Variants in AKAP10 observed in about 807,000 individuals in gnomAD.
AKAP10 encodes the protein A-kinase anchoring protein 10.
In AKAP10, 24 loss-of-function variants were observed where a neutral mutation model predicts 80.8. The ratio of observed to expected loss-of-function variants is 0.30; its 90% CI spans 0.22 to 0.42. The LOEUF (loss-of-function observed/expected upper bound fraction) is 0.42, where lower values mean the gene tolerates loss of function less well. Among genes scored for constraint, AKAP10 ranks in the 10% least tolerant of loss-of-function variants. AKAP10 has a pLI of 1.00. For missense variants in AKAP10, 661 were observed against 794.9 expected, an observed-to-expected ratio of 0.83 and a Z score of 2.03; for synonymous variants, 291 against 277.7, an observed-to-expected ratio of 1.05 and a Z score of -0.48.
At chr17:19,920,959 CT>C (rs57112968) in intron 11 of AKAP10, among the ~76,000 whole-genome samples, 49,438 of 133,104 alleles carry the variant, frequency 0.37, 8,544 homozygotes, top group Admixed American at 0.41. Flanking sequence ...CATAGAGAAT[CT>C]TTTTTTTTTT....
intron 12 of AKAP10, among the ~76,000 whole-genome samples, chr17:19,918,199 C>T (rs189627669): frequency 2.8e-5 from 4 of 143,164 alleles, no homozygotes; most frequent in South Asian, 2.2e-4. Context: ...CAGCTCTGGG[C>T]GACACAGCAA....
chr17:19,951,141 G>C (rs1391104478), intron 4 of AKAP10, among the ~76,000 whole-genome samples: 1 of 97,218 alleles, frequency 1.0e-5, no homozygotes, highest in Non-Finnish European at 2.5e-5. Context: ...GGGAGGTGGG[G>C]GGCAGCCCCC....
intron 10 of AKAP10, among the ~76,000 whole-genome samples, chr17:19,928,602 C>A (rs748072897): frequency 6.6e-6 from 1 of 152,174 alleles, no homozygotes; most frequent in Non-Finnish European, 1.5e-5. Context: ...CACAGCCGGG[C>A]ATAGTGGCTC....
At position 19,958,553 on chromosome 17, in the gene AKAP10, T is replaced by C; in HGVS notation, c.338A>G (p.Tyr113Cys). The change falls in exon 4 of 15, where the codon TAC becomes TGC. Residue 113 changes from tyrosine (Y) to cysteine (C), a missense_variant. By Grantham distance (194) the Tyr-to-Cys change is radical. Coordinates refer to ENST00000225737, the MANE Select transcript of AKAP10 (RefSeq NM_007202.4). ...FGDLGRSCLDYQTQETKSSLS... is the reference protein window; with the variant it reads ...FGDLGRSCLDCQTQETKSSLS... ...GCTTGATTTGGTCTCTTGAGTCTGG[T>C]AGTCCAGACAAGATCTGCCTAAAAG... 6.2e-7 allele frequency: 1 copy of C among 1,603,050 alleles called. No individual in the cohort carries two copies. Among genetic ancestry groups the C allele is most frequent in the East Asian group, 2.2e-5 (1 of 44,852 alleles).
intron 11 of AKAP10, among the ~76,000 whole-genome samples, chr17:19,923,761 C>CAG: frequency 6.6e-6 from 1 of 151,206 alleles, no homozygotes; most frequent in African/African-American, 2.4e-5. Flanking sequence ...CTCCTGACCT[C>CAG]GTGATCCGCC....
intron 5 of AKAP10, chr17:19,947,129 C>T (rs991819339): frequency 1.3e-5 from 5 of 398,686 alleles, no homozygotes; most frequent in East Asian, 5.6e-5. Flanking sequence ...TGCCGGTTAG[C>T]GTAGCCGCCC....
At chr17:19,920,462 A>C (rs1406633404) in intron 11 of AKAP10, among the ~76,000 whole-genome samples, 2 of 152,208 alleles carry the variant, frequency 1.3e-5, no homozygotes, top group African/African-American at 4.8e-5. Flanking sequence ...TTGCTCTAAC[A>C]ATGACTGAAA....
chr17:19,913,518 C>T (rs781546144), intron 12 of AKAP10, among the ~76,000 whole-genome samples: 1 of 152,046 alleles, frequency 6.6e-6, no homozygotes, highest in Non-Finnish European at 1.5e-5. Context: ...TAACTCTTGT[C>T]CTCAGTGATC....
At position 19,940,934 on chromosome 17, in the gene AKAP10, G is replaced by C; in HGVS notation, c.1138C>G (p.Leu380Val). ...IEVLTSGTVYLADILFCESAL... is the reference protein window; with the variant it reads ...IEVLTSGTVYVADILFCESAL... The stretch of plus-strand genomic sequence containing the variant: ...GACTCACAGAAGAGAATGTCAGCCA[G>C]GTAAACAGTTCCACTGGTCAGCACT... Residue 380 changes from leucine to valine, a missense_variant, in exon 7 of 15, where the codon CTG (leucine) becomes GTG (valine). By Grantham distance (32) the Leu-to-Val change is conservative. Transcript: ENST00000225737. 6.2e-7 allele frequency: 1 copy of C among 1,610,918 alleles called. No individual in the cohort carries two copies. Among genetic ancestry groups the C allele is most frequent in the Non-Finnish European group, 8.5e-7 (1 of 1,179,184 alleles).
Position 19,932,922 on chromosome 17 carries a change from G to A in AKAP10, c.1468-944C>T, listed in dbSNP as rs1030515136. 6.6e-5 allele frequency among the ~76,000 whole-genome samples: 10 copies of A among 151,954 alleles called. No individual in the cohort carries two copies. In the East Asian group the frequency reaches 1.9e-3, roughly 29 times the overall value. On this transcript the variant is annotated intron_variant, in intron 9 of 14. Coordinates refer to ENST00000225737, the MANE Select transcript of AKAP10 (RefSeq NM_007202.4). ...TATTTATATTTCTAATTCTACGAAG[G>A]AAAAGTTTGTAACTGGACAAGCAAA...
chr17:19,950,448 T>C (rs2152416367), intron 4 of AKAP10, among the ~76,000 whole-genome samples: 1 of 152,328 alleles, frequency 6.6e-6, no homozygotes, highest in South Asian at 2.1e-4. Flanking sequence ...TGCCTGGGAT[T>C]GCAGGCGCAC....
chr17:19,919,102 G>A (rs1242129154), intron 12 of AKAP10, among the ~76,000 whole-genome samples: 1 of 101,360 alleles, frequency 9.9e-6, no homozygotes, highest in East Asian at 3.2e-4. Context: ...ACAGGCCCCA[G>A]CGTGTGATGT....
intron 5 of AKAP10, among the ~76,000 whole-genome samples, chr17:19,943,573 T>C (rs1436217132): frequency 6.6e-6 from 1 of 152,220 alleles, no homozygotes; most frequent in Non-Finnish European, 1.5e-5. Context: ...TGCCCATGCA[T>C]CTCTTCCATC....
chr17:19,953,726 C>T (rs928337819), intron 4 of AKAP10, among the ~76,000 whole-genome samples: 3 of 152,110 alleles, frequency 2.0e-5, no homozygotes, highest in East Asian at 1.9e-4. Context: ...TTAAAATACT[C>T]TGAAAAAGAA....
Position 19,947,480 on chromosome 17 carries a change from A to C in AKAP10, c.903T>G (p.Thr301=), listed in dbSNP as rs1161475470. The C allele has an allele frequency of 6.2e-7, 1 of 1,612,744 alleles. No homozygotes were observed. Among genetic ancestry groups the C allele is most frequent in the Non-Finnish European group, 8.5e-7 (1 of 1,178,946 alleles). The part of the protein sequence containing the change: ...MKSIEQDAVN[T]FTKYISPDAA... ...CATCTGGAGATATATATTTGGTAAAAGTATTCACTGCATCTTGTTCTATAC... is the reference window on the plus strand; with the variant it reads ...CATCTGGAGATATATATTTGGTAAACGTATTCACTGCATCTTGTTCTATAC... Residue 301 remains threonine, a synonymous_variant, in exon 5 of 15, where the codon ACT becomes ACG. Transcript: ENST00000225737.
chr17:19,967,888 A>G (rs900612002), intron 2 of AKAP10: 1 of 146,232 alleles, frequency 6.8e-6, no homozygotes, highest in African/African-American at 2.6e-5. Context: ...ATCTCAAAAA[A>G]ATAAAATTAA....
At chr17:19,956,771 G>A (rs1288932324) in intron 4 of AKAP10, among the ~76,000 whole-genome samples, 2 of 152,042 alleles carry the variant, frequency 1.3e-5, no homozygotes, top group Non-Finnish European at 2.9e-5. Flanking sequence ...TTGGGAGGCC[G>A]AGGCAGGTGG....
chr17:19,925,091 G>A (rs1004649874), intron 10 of AKAP10, among the ~76,000 whole-genome samples: 6 of 152,228 alleles, frequency 3.9e-5, no homozygotes, highest in Middle Eastern at 3.4e-3. Flanking sequence ...TTGAGCCCAG[G>A]AGATGGAGGT....
chr17:19,942,996 C>A (rs532142182), intron 5 of AKAP10, among the ~76,000 whole-genome samples: 1 of 152,166 alleles, frequency 6.6e-6, no homozygotes, highest in South Asian at 2.1e-4. Flanking sequence ...AACTCCAGGG[C>A]TCAGTGATCC....
Sources: allele counts gnomAD v4.1 joint callset (sites outside exome capture counted in the v4.1 genomes callset), GRCh38; gene constraint gnomAD v4.1.1; transcripts MANE v1.5; gene names NCBI Gene and HGNC (gene_info 2026-07-23, HGNC 2026-07-21).